Variants in ERC2 observed in about 807,000 individuals in gnomAD.
The protein encoded by ERC2 is ERC protein 2.
ERC2 carries 42 observed loss-of-function variants against 114.8 expected under a neutral mutation model. That is an observed-to-expected ratio of 0.37 (90% CI 0.29 to 0.47). The LOEUF (loss-of-function observed/expected upper bound fraction) is 0.47. Ranked by LOEUF, ERC2 falls within the 20% of genes least tolerant of loss-of-function variation. The pLI is 0.99. For synonymous variants in ERC2, 454 were observed against 425.5 expected (o/e 1.07, Z -0.82); for missense variants, 939 against 1,150.7 (o/e 0.82, Z 2.66).
At chr3:55,727,040 A>C (rs183468323) in intron 15 of ERC2, among the ~76,000 whole-genome samples, 84 of 152,304 alleles carry the variant, frequency 5.5e-4, no homozygotes, top group African/African-American at 1.9e-3. Flanking sequence ...CACACAGGGG[A>C]GCATTTGAGA....
intron 14 of ERC2, among the ~76,000 whole-genome samples, chr3:55,751,399 TG>T: frequency 6.6e-6 from 1 of 152,360 alleles, no homozygotes; most frequent in Admixed American, 6.5e-5. Flanking sequence ...AGTTGGTCAA[TG>T]CCAATCTTTA....
intron 7 of ERC2, among the ~76,000 whole-genome samples, chr3:56,043,532 A>C (rs1294972648): frequency 6.6e-6 from 1 of 152,204 alleles, no homozygotes; most frequent in Non-Finnish European, 1.5e-5. Context: ...CAGAAAAAAA[A>C]AGAGGAATTA....
chr3:56,004,966 C>G lies in ERC2; in HGVS notation c.2061+2215G>C, dbSNP rs567843392. 2.7e-4 allele frequency among the ~76,000 whole-genome samples: 41 copies of G among 151,442 alleles called. 1 individual carries two copies. The highest frequency in any genetic ancestry group is 2.5e-3 in the Admixed American group (38 of 15,166). On this transcript the variant is annotated intron_variant, in intron 10 of 17. Transcript: ENST00000288221. Reference sequence around the variant, plus strand: ...ATTTTCAAATATTTCATGTAGATCTCAATTTTTTTAAGGTGATGGGTATTT... The same window carrying G: ...ATTTTCAAATATTTCATGTAGATCTGAATTTTTTTAAGGTGATGGGTATTT...
At position 56,336,901 on chromosome 3, in the gene ERC2, CTAATACCAAAACT is replaced by C. The variant is rs142224114; in HGVS notation, c.658-40479_658-40467del. The stretch of plus-strand genomic sequence containing the variant: ...CACATTTAAGAGTTCAACTTTATCA[CTAATACCAAAACT>C]TAATAAAAAAGCTAAATACTACCTC... On this transcript the variant is annotated intron_variant, in intron 2 of 17. Coordinates refer to ENST00000288221, the MANE Select transcript of ERC2 (RefSeq NM_015576.3). Among the ~76,000 whole-genome samples, 105 of 152,272 alleles carry C rather than the reference CTAATACCAAAACT, an allele frequency of 6.9e-4. No homozygotes were observed. The East Asian group carries it at 0.019, about 27-fold the overall frequency.
In ERC2 at chr3:56,209,879, A is replaced by G. The variant is rs147544212; in HGVS notation, c.1075-36359T>C. ...GTCACAGCATTCAGTCCCTTCAGGC[A>G]GAGGAGCATTGCTTTGTGGAGTTGA... On this transcript the variant is annotated intron_variant, in intron 3 of 17. Transcript: ENST00000288221. Among the ~76,000 whole-genome samples the G allele has an allele frequency of 3.6e-3, 550 of 152,306 alleles. 4 individuals are homozygous for G. The highest frequency in any genetic ancestry group is 5.0e-3 in the Non-Finnish European group (340 of 68,034).
chr3:55,881,584 G>A (rs7432905), intron 14 of ERC2, among the ~76,000 whole-genome samples: 28,389 of 151,992 alleles, frequency 0.19, 3,212 homozygotes, highest in African/African-American at 0.29. Flanking sequence ...AACTACTATA[G>A]TAGTTTAAAT....
intron 7 of ERC2, among the ~76,000 whole-genome samples, chr3:56,033,034 A>AAAAAGAAAC (rs1576638304): frequency 1.2e-4 from 7 of 59,988 alleles, no homozygotes; most frequent in South Asian, 6.2e-4. Context: ...AAGAAACAGA[A>AAAAAGAAAC]AGAAAGAAAG....
intron 17 of ERC2, among the ~76,000 whole-genome samples, chr3:55,638,544 T>C (rs1049541742): frequency 7.9e-5 from 12 of 152,318 alleles, no homozygotes; most frequent in African/African-American, 2.6e-4. Flanking sequence ...TCAATTAAAA[T>C]GTTGGCCATG....
chr3:55,640,465 C>G (rs2060130852), intron 17 of ERC2, among the ~76,000 whole-genome samples: 1 of 152,214 alleles, frequency 6.6e-6, no homozygotes. Context: ...AGGACTCCTG[C>G]TTCAGGCAAA....
At chr3:56,021,886 C>T (rs773915355) in intron 7 of ERC2, among the ~76,000 whole-genome samples, 5 of 152,156 alleles carry the variant, frequency 3.3e-5, no homozygotes, top group African/African-American at 4.8e-5. Flanking sequence ...TCCATGTTCC[C>T]GCACAAGACA....
intron 2 of ERC2, among the ~76,000 whole-genome samples, chr3:56,403,968 C>T (rs1181436276): frequency 1.3e-5 from 2 of 152,206 alleles, no homozygotes; most frequent in Non-Finnish European, 2.9e-5. Flanking sequence ...GTTTTGTCTA[C>T]ATTTGATAAT....
At chr3:56,459,483 G>A (rs1224768844) in intron 1 of ERC2, among the ~76,000 whole-genome samples, 2 of 151,890 alleles carry the variant, frequency 1.3e-5, no homozygotes, top group African/African-American at 4.8e-5. Context: ...TACCTTTAGG[G>A]GTGGAAAGTA....
At chr3:55,841,332 G>A (rs1053957720) in intron 14 of ERC2, among the ~76,000 whole-genome samples, 2 of 152,098 alleles carry the variant, frequency 1.3e-5, no homozygotes. Context: ...TAAGTCTCAC[G>A]AGATCTGATG....
At chr3:56,419,976 T>G (rs2061324780) in intron 2 of ERC2, among the ~76,000 whole-genome samples, 1 of 152,172 alleles carries the variant, frequency 6.6e-6, no homozygotes, top group South Asian at 2.1e-4. Flanking sequence ...CTGGCCATCA[T>G]GTGCACTGTC....
At chr3:55,906,933 C>G (rs1408997349) in intron 13 of ERC2, among the ~76,000 whole-genome samples, 3 of 152,184 alleles carry the variant, frequency 2.0e-5, no homozygotes, top group African/African-American at 7.2e-5. Flanking sequence ...AGCCATATCA[C>G]TGGCATGGGA....
At chr3:55,545,692 G>C (rs1170924478) in intron 17 of ERC2, among the ~76,000 whole-genome samples, 1 of 152,152 alleles carries the variant, frequency 6.6e-6, no homozygotes, top group African/African-American at 2.4e-5. Flanking sequence ...CACCAACACT[G>C]CAAAGAACAG....
At chr3:55,994,647 TAAAAAAAAAA>T (rs10662566) in intron 10 of ERC2, among the ~76,000 whole-genome samples, 6 of 61,396 alleles carry the variant, frequency 9.8e-5, no homozygotes, top group East Asian at 6.6e-4. Flanking sequence ...ACATACTCCC[TAAAAAAAAAA>T]AAAAAAAAAA....
intron 2 of ERC2, among the ~76,000 whole-genome samples, chr3:56,302,117 C>G (rs2055917994): frequency 6.6e-6 from 1 of 152,152 alleles, no homozygotes; most frequent in Admixed American, 6.5e-5. Context: ...ATTTTATAAA[C>G]AAGAAAATTG....
intron 4 of ERC2, among the ~76,000 whole-genome samples, chr3:56,165,493 C>A (rs542269435): frequency 1.6e-3 from 230 of 144,582 alleles, no homozygotes; most frequent in South Asian, 3.4e-3. Flanking sequence ...ATGGCAATAG[C>A]TTGGTCCTTC....
Sources: allele counts gnomAD v4.1 joint callset (sites outside exome capture counted in the v4.1 genomes callset), GRCh38; gene constraint gnomAD v4.1.1; transcripts MANE v1.5; gene names NCBI Gene and HGNC (gene_info 2026-07-23, HGNC 2026-07-21).